CEP250: variants seen among roughly 807,000 people sequenced by gnomAD.
CEP250 encodes centrosome-associated protein CEP250.
In CEP250, 242 loss-of-function variants were observed where a neutral mutation model predicts 315.7. The observed-to-expected ratio is 0.77, with a 90% confidence interval of 0.69 to 0.85. CEP250 has a LOEUF of 0.85. Ranked by LOEUF, CEP250 falls within the 40% of genes least tolerant of loss-of-function variation. The probability of loss-of-function intolerance (pLI) is 0.00; values close to 1 mark genes in which losing one functional copy is unlikely to be tolerated. For missense variants in CEP250, 2,515 were observed against 2,886.4 expected, an observed-to-expected ratio of 0.87 and a Z score of 2.95; for synonymous variants, 1,088 against 1,175.0, an observed-to-expected ratio of 0.93 and a Z score of 1.51.
chr20:35,508,332 G>A (rs1050163935), intron 32 of CEP250, 142 bp downstream of exon 32: 22 of 893,696 alleles, frequency 2.5e-5, no homozygotes, highest in East Asian at 1.3e-4. Context: ...TTTTTTTCCC[G>A]AGACAGAGTC....
rs1410764256 is a variant in CEP250, at chr20:35,503,174, A to G, written c.4805A>G (p.Gln1602Arg). 1.2e-6 allele frequency: 2 copies of G among 1,614,170 alleles called. No individual in the cohort carries two copies. Among genetic ancestry groups the G allele is most frequent in the East Asian group, 2.2e-5 (1 of 44,884 alleles). Residue 1602 changes from glutamine (Q) to arginine (R), a missense_variant, in exon 30 of 35, where the codon CAG (glutamine) becomes CGG (arginine). By Grantham distance (43) the Gln-to-Arg change is conservative (BLOSUM62 1). Transcript: ENST00000397527. This position sits in a 1 kb window ranked among gnomAD's most constrained non-coding sequence, Gnocchi z 4.2. The stretch of plus-strand genomic sequence containing the variant: ...ACGCTGGACCTAGAAGAAAGGAGCC[A>G]GGAGCTGCAGGCACAAAGCAGCCAG... The part of the protein sequence containing the change: ...HLTLDLEERS[Q>R]ELQAQSSQIH...
In CEP250 at chr20:35,518,147, A is replaced by G. The variant is rs224390; in HGVS notation, c.*6521A>G. 91,224 of 143,050 alleles carry G rather than the reference A, an allele frequency of 0.64. 30,588 individuals are homozygous for G. The highest frequency in any genetic ancestry group is 0.75 in the Non-Finnish European group (49,975 of 66,324). The allele number at this position is 143,050 out of a possible 1,614,324, so 8.9% of individuals were successfully genotyped here. A position where few individuals can be genotyped will look rare whatever the true frequency, so the allele number is the denominator to read the frequency against. On this transcript the variant is annotated 3_prime_UTR_variant, in exon 35 of 35. Transcript: ENST00000397527. Reference sequence around the variant, plus strand: ...AGGCAGCGGGTTTTGTTTTTTTTTTAACTATGTTTTTCTACTGGCTCACTT... The same window carrying G: ...AGGCAGCGGGTTTTGTTTTTTTTTTGACTATGTTTTTCTACTGGCTCACTT...
chr20:35,470,021 G>C, intron 10 of CEP250, 35 bp downstream of exon 10: 2 of 1,453,348 alleles, frequency 1.4e-6, no homozygotes, highest in South Asian at 1.1e-5. Flanking sequence ...GGAGTTGGGC[G>C]TGGGCTTGTA....
chr20:35,511,355 C>A lies in CEP250; in HGVS notation c.7066-8C>A. 1 of 1,572,540 alleles carries A rather than the reference C, an allele frequency of 6.4e-7. No individual in the cohort carries two copies. The highest frequency in any genetic ancestry group is 8.6e-7 in the Non-Finnish European group (1 of 1,158,952). On this transcript the variant is annotated splice_region_variant and splice_polypyrimidine_tract_variant and intron_variant, in intron 34 of 34. Transcript: ENST00000397527. ...CTCTCGCTTTTTTTTTTTTTTCCTG[C>A]CCACCAGGTGGTCCTGCTGCAAGCT...
Position 35,479,632 on chromosome 20 carries a change from C to T in CEP250, c.2289-14C>T. On this transcript the variant is annotated splice_polypyrimidine_tract_variant and intron_variant, in intron 18 of 34. Transcript: ENST00000397527. ...TGATGGGTAAGAAACTCTTCTGATT[C>T]CTGAACCTCACAGCTCAGCCAAGGA... 6.2e-7 allele frequency: 1 copy of T among 1,613,772 alleles called. No individual in the cohort carries two copies. The highest frequency in any genetic ancestry group is 8.5e-7 in the Non-Finnish European group (1 of 1,179,794).
At position 35,503,819 on chromosome 20, in the gene CEP250, A is replaced by G; in HGVS notation, c.5450A>G (p.Gln1817Arg). 6.2e-7 allele frequency: 1 copy of G among 1,614,012 alleles called. No individual in the cohort carries two copies. The highest frequency in any genetic ancestry group is 1.1e-5 in the South Asian group (1 of 91,084). ...EAQRALAQRD[Q>R]ELEALQQEQQ... ...CAGAGAGCCCTAGCCCAGAGGGACC[A>G]GGAACTGGAGGCTCTGCAGCAAGAA... The change falls in exon 30 of 35, where the codon CAG becomes CGG. Residue 1817 changes from glutamine to arginine, a missense_variant. Transcript: ENST00000397527. This position sits in a 1 kb window ranked among gnomAD's most constrained non-coding sequence, Gnocchi z 4.2.
chr20:35,474,837 T>C (rs753294285), intron 14 of CEP250: 10 of 470,970 alleles, frequency 2.1e-5, no homozygotes, highest in South Asian at 1.5e-4. Context: ...AACGCCAGCA[T>C]AGAACCTGGC....
chr20:35,498,733 C>G lies in CEP250; in HGVS notation c.3777+17C>G. On this transcript the variant is annotated intron_variant, in intron 27 of 34. Transcript: ENST00000397527. ...CAGACCCGGGTATGTTTCTCTGCTC[C>G]CCTTTCCCGAACTCTTTACATCCCT... 1.3e-6 allele frequency: 2 copies of G among 1,555,468 alleles called. No homozygotes were observed. Among genetic ancestry groups the G allele is most frequent in the African/African-American group, 1.4e-5 (1 of 71,306 alleles).
rs901129155 is a variant in CEP250, at chr20:35,511,655, A to G, written c.*29A>G. 6.3e-7 allele frequency: 1 copy of G among 1,594,344 alleles called. No homozygotes were observed. Among genetic ancestry groups the G allele is most frequent in the African/African-American group, 1.3e-5 (1 of 74,732 alleles). On this transcript the variant is annotated 3_prime_UTR_variant, in exon 35 of 35. Coordinates refer to ENST00000397527, the MANE Select transcript of CEP250 (RefSeq NM_007186.6). The stretch of plus-strand genomic sequence containing the variant: ...CCACAGCCAGGAGCACACAGACAGA[A>G]GACTGTGTCATGGGTCATGGCCCCT...
intron 12 of CEP250, 146 bp downstream of exon 12, chr20:35,472,977 C>T (rs1189806945): frequency 1.3e-6 from 1 of 742,086 alleles, no homozygotes; most frequent in East Asian, 2.7e-5. Flanking sequence ...GTAAATCTGC[C>T]TATGTCTGCT....
chr20:35,493,506 T>C lies in CEP250; in HGVS notation c.2967T>C (p.Asp989=), dbSNP rs781049202. The C allele has an allele frequency of 6.2e-7, 1 of 1,609,418 alleles. No individual in the cohort carries two copies. The highest frequency in any genetic ancestry group is 8.5e-7 in the Non-Finnish European group (1 of 1,178,064). Residue 989 remains aspartate, a synonymous_variant, in exon 23 of 35, where the codon GAT becomes GAC. Transcript: ENST00000397527. Reference sequence around the variant, plus strand: ...AGGAGGCAGCCCGGCAGCACAGAGATGACCTTGCTGCCCTCCAAGAAGAGA... The same window carrying C: ...AGGAGGCAGCCCGGCAGCACAGAGACGACCTTGCTGCCCTCCAAGAAGAGA... ...ELKEAARQHR[D]DLAALQEESS...
rs1421974714 is a variant in CEP250, at chr20:35,503,992, C to T, written c.5623C>T (p.Leu1875=). 1 of 1,609,732 alleles carries T rather than the reference C, an allele frequency of 6.2e-7. No homozygotes were observed. The highest frequency in any genetic ancestry group is 8.5e-7 in the Non-Finnish European group (1 of 1,177,418). Residue 1875 remains leucine, a synonymous_variant, in exon 30 of 35, where the codon CTG becomes TTG. Coordinates refer to ENST00000397527, the MANE Select transcript of CEP250 (RefSeq NM_007186.6). This position sits in a 1 kb window ranked among gnomAD's most constrained non-coding sequence, Gnocchi z 4.2. ...ACAGGCACGAAGGCTGGAGGAAGAG[C>T]TGGCAGTGGAGGGACGGCGGGTCCA... ...KEQARRLEEE[L]AVEGRRVQAL...
chr20:35,507,893 G>C, intron 31 of CEP250, 42 bp downstream of exon 31: 1 of 1,601,212 alleles, frequency 6.2e-7, no homozygotes, highest in South Asian at 1.1e-5. Flanking sequence ...CCAGCAGGGA[G>C]CTCCTGTCCA....
chr20:35,466,865 C>T, intron 7 of CEP250, 101 bp from the exon 8 acceptor site: 1 of 731,600 alleles, frequency 1.4e-6, no homozygotes. Flanking sequence ...CCTGTAAGTC[C>T]CTCCTTCCTT....
At position 35,491,312 on chromosome 20, in the gene CEP250, G is replaced by A; in HGVS notation, c.2855G>A (p.Arg952Lys). Reference protein sequence around the residue: ...ADASQQLERLRQDMKVQKLKE... With the variant: ...ADASQQLERLKQDMKVQKLKE... Reference sequence around the variant, plus strand: ...GCCAGCCAACAACTGGAACGACTGAGGCAGGACATGAAAGTCCAGAAATTA... The same window carrying A: ...GCCAGCCAACAACTGGAACGACTGAAGCAGGACATGAAAGTCCAGAAATTA... The change falls in exon 22 of 35, where the codon AGG becomes AAG. Residue 952 changes from arginine to lysine, a missense_variant. By Grantham distance (26) the Arg-to-Lys change is conservative (BLOSUM62 2). Transcript: ENST00000397527. 6.2e-7 allele frequency: 1 copy of A among 1,600,098 alleles called. No homozygotes were observed. The highest frequency in any genetic ancestry group is 2.3e-5 in the East Asian group (1 of 44,180).
At chr20:35,492,249 C>A (rs1601249516) in intron 22 of CEP250, among the ~76,000 whole-genome samples, 1 of 152,058 alleles carries the variant, frequency 6.6e-6, no homozygotes, top group East Asian at 1.9e-4. Flanking sequence ...ATATGATATG[C>A]TTCCATTTAT....
intron 22 of CEP250, among the ~76,000 whole-genome samples, 157 bp downstream of exon 22, chr20:35,491,503 TC>T (rs2063693712): frequency 6.6e-6 from 1 of 152,074 alleles, no homozygotes; most frequent in Non-Finnish European, 1.5e-5. Context: ...GCAGGGTAGA[TC>T]ACGCCTGTAA....
At chr20:35,474,099 A>G (rs947314184) in intron 14 of CEP250, 47 bp downstream of exon 14, 8 of 1,414,694 alleles carry the variant, frequency 5.7e-6, no homozygotes, top group South Asian at 2.8e-5. Flanking sequence ...TCTTTCTTCA[A>G]TTCTACACCC....
In CEP250 at chr20:35,479,365, G is replaced by A; in HGVS notation, c.2229G>A (p.Val743=). ...ALVREKAALE[V]RLQAVERDRQ... ...TACGAGAGAAAGCGGCTCTAGAGGT[G>A]CGGCTGCAGGCCGTGGAGCGTGACC... Residue 743 remains valine (V), a synonymous_variant, in exon 18 of 35, where the codon GTG becomes GTA. Coordinates refer to ENST00000397527, the MANE Select transcript of CEP250 (RefSeq NM_007186.6). 1 of 1,614,214 alleles carries A rather than the reference G, an allele frequency of 6.2e-7. No homozygotes were observed. The highest frequency in any genetic ancestry group is 8.5e-7 in the Non-Finnish European group (1 of 1,180,038).
Sources: allele counts gnomAD v4.1 joint callset (sites outside exome capture counted in the v4.1 genomes callset), GRCh38; gene constraint gnomAD v4.1.1; non-coding constraint Gnocchi (gnomAD v3.1); transcripts MANE v1.5; gene names NCBI Gene and HGNC (gene_info 2026-07-23, HGNC 2026-07-21).